The following GCH1 variants were observed in gnomAD, a reference collection of about 807,000 sequenced individuals.
The protein encoded by GCH1 is GTP cyclohydrolase 1, also known as GTP cyclohydrolase I.
In GCH1, 5 loss-of-function variants were observed where a neutral mutation model predicts 25.9. The observed-to-expected ratio is 0.19, with a 90% CI of 0.10 to 0.41. The LOEUF is 0.41. Among genes scored for constraint, GCH1 ranks in the 10% least tolerant of loss-of-function variants. GCH1 has a pLI of 1.00. For synonymous variants in GCH1, 159 were observed against 129.6 expected (o/e 1.23, Z -1.54); for missense variants, 261 against 336.5 (o/e 0.78, Z 1.75).
chr14:54,882,680 C>A (rs1427172638), intron 1 of GCH1, among the ~76,000 whole-genome samples: 1 of 151,506 alleles, frequency 6.6e-6, no homozygotes, highest in African/African-American at 2.4e-5. Context: ...AAAAAAAAAA[C>A]ACACCAATCT....
rs535861387 is a variant in GCH1 at position 54,889,335 on chromosome 14, T to C, written c.343+12986A>G. 5.3e-5 allele frequency among the ~76,000 whole-genome samples: 8 copies of C among 152,324 alleles called. 2 individuals carry two copies. The South Asian group carries it at 1.7e-3, about 32-fold the overall frequency. On this transcript the variant is annotated intron_variant, in intron 1 of 5. Coordinates refer to ENST00000491895, the MANE Select transcript of GCH1 (RefSeq NM_000161.3). ...CTGCTAACGAACACTGTACCACAAATGCCTAGACCACACAGGTAAAATTAT... is the reference window on the plus strand; with the variant it reads ...CTGCTAACGAACACTGTACCACAAACGCCTAGACCACACAGGTAAAATTAT...
chr14:54,901,873 C>T (rs557966276), intron 1 of GCH1, among the ~76,000 whole-genome samples: 1 of 152,168 alleles, frequency 6.6e-6, no homozygotes, highest in Non-Finnish European at 1.5e-5. Context: ...AATCCAGATA[C>T]ACACCCTGAC....
chr14:54,858,149 A>G (rs1383944118), intron 3 of GCH1, among the ~76,000 whole-genome samples: 2 of 151,960 alleles, frequency 1.3e-5, no homozygotes, highest in Non-Finnish European at 2.9e-5. Flanking sequence ...TTTTTTACAG[A>G]TTCCAACACA....
At chr14:54,873,950 T>G (rs1445202507) in intron 1 of GCH1, among the ~76,000 whole-genome samples, 1 of 152,188 alleles carries the variant, frequency 6.6e-6, no homozygotes, top group Non-Finnish European at 1.5e-5. Flanking sequence ...TCTGAAACTA[T>G]TCCAATCAAT....
At chr14:54,850,289 T>A (rs921787514) in intron 3 of GCH1, among the ~76,000 whole-genome samples, 1 of 150,854 alleles carries the variant, frequency 6.6e-6, no homozygotes, top group South Asian at 2.1e-4. Flanking sequence ...TCAATTTTTT[T>A]ATATATAAGT....
intron 1 of GCH1, among the ~76,000 whole-genome samples, chr14:54,877,543 G>T (rs906455505): frequency 2.0e-5 from 3 of 152,078 alleles, no homozygotes; most frequent in African/African-American, 7.2e-5. Flanking sequence ...GCCCAGGCTG[G>T]AATGCAGCGG....
At chr14:54,896,476 T>TAAA (rs60583038) in intron 1 of GCH1, among the ~76,000 whole-genome samples, 3 of 146,834 alleles carry the variant, frequency 2.0e-5, no homozygotes, top group African/African-American at 7.4e-5. Flanking sequence ...TATATCTCTT[T>TAAA]AAAAAAAAAA....
intron 1 of GCH1, among the ~76,000 whole-genome samples, chr14:54,874,403 AC>A (rs1167288042): frequency 3.9e-5 from 6 of 152,200 alleles, no homozygotes; most frequent in Non-Finnish European, 7.3e-5. Flanking sequence ...ATGGGCAAAA[AC>A]TGGAAGCATT....
At chr14:54,888,584 C>T (rs2040383245) in intron 1 of GCH1, among the ~76,000 whole-genome samples, 1 of 151,794 alleles carries the variant, frequency 6.6e-6, no homozygotes, top group South Asian at 2.1e-4. Context: ...ATGATCTCCG[C>T]TCACTGCAAG....
At chr14:54,875,441 A>G (rs2040144297) in intron 1 of GCH1, among the ~76,000 whole-genome samples, 1 of 152,218 alleles carries the variant, frequency 6.6e-6, no homozygotes, top group African/African-American at 2.4e-5. Context: ...AAACACCAAA[A>G]GTGATGGCAA....
intron 3 of GCH1, among the ~76,000 whole-genome samples, chr14:54,855,977 T>G (rs1267366314): frequency 1.3e-5 from 2 of 152,104 alleles, no homozygotes; most frequent in African/African-American, 4.8e-5. Flanking sequence ...AGTTTTCACT[T>G]TATTCACTCA....
chr14:54,861,963 T>C (rs2039903390), intron 2 of GCH1, among the ~76,000 whole-genome samples: 1 of 152,168 alleles, frequency 6.6e-6, no homozygotes, highest in Non-Finnish European at 1.5e-5. Flanking sequence ...TCCTTCATTA[T>C]CAATTGCAGG....
At chr14:54,900,887 A>G (rs1430800562) in intron 1 of GCH1, among the ~76,000 whole-genome samples, 5 of 148,924 alleles carry the variant, frequency 3.4e-5, no homozygotes, top group Admixed American at 3.3e-4. Flanking sequence ...ACACACACAC[A>G]CAAATTTAAA....
At chr14:54,888,943 A>G (rs10782425) in intron 1 of GCH1, among the ~76,000 whole-genome samples, 150,947 of 152,314 alleles carry the variant, frequency 0.99, 74,807 homozygotes, top group Middle Eastern at 1. Flanking sequence ...TACTTCACTT[A>G]TAAACAGCCC....
chr14:54,870,485 G>A (rs1594994748), intron 1 of GCH1, among the ~76,000 whole-genome samples: 1 of 152,182 alleles, frequency 6.6e-6, no homozygotes, highest in East Asian at 1.9e-4. Context: ...TCTCACTGGG[G>A]AGTGTCGGAC....
rs752904207 is a variant in GCH1, at chr14:54,843,910, G to C, written c.*107C>G. ...AATATAATTAGTGACAAGGAATAAAGTTCACATCTGTAACAATTGAAAATG... is the reference window on the plus strand; with the variant it reads ...AATATAATTAGTGACAAGGAATAAACTTCACATCTGTAACAATTGAAAATG... On this transcript the variant is annotated 3_prime_UTR_variant, in exon 6 of 6. Coordinates refer to ENST00000491895, the MANE Select transcript of GCH1 (RefSeq NM_000161.3). The C allele has an allele frequency of 6.2e-7, 1 of 1,609,924 alleles. No individual in the cohort carries two copies. The highest frequency in any genetic ancestry group is 1.3e-5 in the African/African-American group (1 of 74,942).
rs187275985 is a variant in GCH1 at position 54,851,480 on chromosome 14, A to G, written c.510-4350T>C. Among the ~76,000 whole-genome samples the G allele has an allele frequency of 1.9e-3, 287 of 152,386 alleles. 3 individuals carry two copies. Among genetic ancestry groups the G allele is most frequent in the Non-Finnish European group, 2.4e-3 (166 of 68,044 alleles). On this transcript the variant is annotated intron_variant, in intron 3 of 5. Transcript: ENST00000491895. ...ATTTTTATGATCTACCCATCTGACA[A>G]AGGGCTAATATCCAGAATCTACAAA...
intron 1 of GCH1, among the ~76,000 whole-genome samples, chr14:54,891,493 T>G (rs2140113785): frequency 6.9e-6 from 1 of 144,772 alleles, no homozygotes; most frequent in East Asian, 2.1e-4. Context: ...CACTGCAACC[T>G]CCGCCTCCCG....
chr14:54,885,077 G>A, intron 1 of GCH1: 1 of 310,126 alleles, frequency 3.2e-6, no homozygotes, highest in Non-Finnish European at 6.4e-6. Flanking sequence ...CCAGTCAGCT[G>A]CATTTGTTGT....
Sources: gnomAD v4.1 joint callset for allele counts (sites outside exome capture counted in the v4.1 genomes callset) on GRCh38, gnomAD v4.1.1 for gene constraint, MANE v1.5 for transcripts, NCBI Gene and HGNC (gene_info 2026-07-23, HGNC 2026-07-21) for gene names.